The following EXOC4 variants were observed in gnomAD, a reference collection of about 807,000 sequenced individuals.
EXOC4 encodes SEC8-like 1.
A neutral mutation model predicts 107.2 loss-of-function variants in EXOC4; 71 were observed. That is an observed-to-expected ratio of 0.66 (90% CI 0.55 to 0.81). EXOC4 has a LOEUF of 0.81. EXOC4 is among the 30% of genes least tolerant of loss of function. EXOC4 has a pLI of 0.00. For missense variants in EXOC4, 1,108 were observed against 1,189.6 expected, an observed-to-expected ratio of 0.93 and a Z score of 1.01; for synonymous variants, 456 against 441.2, an observed-to-expected ratio of 1.03 and a Z score of -0.42.
At chr7:133,779,648 C>G (rs1796418689) in intron 10 of EXOC4, among the ~76,000 whole-genome samples, 1 of 152,112 alleles carries the variant, frequency 6.6e-6, no homozygotes, top group African/African-American at 2.4e-5. Flanking sequence ...AATCGGTGCT[C>G]TGTGGCTATC....
At chr7:133,639,409 T>C (rs552284216) in intron 10 of EXOC4, among the ~76,000 whole-genome samples, 10 of 152,282 alleles carry the variant, frequency 6.6e-5, no homozygotes, top group Admixed American at 3.3e-4. Flanking sequence ...ACTGTGTTTT[T>C]AAAAAATGTG....
chr7:133,537,668 G>C (rs551596645), intron 9 of EXOC4, among the ~76,000 whole-genome samples: 9 of 152,282 alleles, frequency 5.9e-5, no homozygotes, highest in Admixed American at 2.6e-4. Flanking sequence ...AAATCTAGCA[G>C]AATGCCATAT....
chr7:133,508,573 A>G (rs142198816), intron 9 of EXOC4, among the ~76,000 whole-genome samples: 69 of 152,330 alleles, frequency 4.5e-4, no homozygotes, highest in African/African-American at 1.6e-3. Context: ...CATGCGCTGT[A>G]AGAGATCATC....
chr7:133,816,925 C>G (rs10246250), intron 10 of EXOC4, among the ~76,000 whole-genome samples: 3 of 151,950 alleles, frequency 2.0e-5, no homozygotes, highest in Admixed American at 2.0e-4. Context: ...GTTCATCGCC[C>G]GGTGTGGGGG....
intron 14 of EXOC4, among the ~76,000 whole-genome samples, chr7:133,982,409 A>G (rs1036951265): frequency 6.6e-6 from 1 of 152,082 alleles, no homozygotes; most frequent in African/African-American, 2.4e-5. Context: ...AAAATTAGCC[A>G]GGCGTGGTGG....
rs141983165 is a variant in EXOC4, at chr7:133,494,453, T to G, written c.1417+14315T>G. Among the ~76,000 whole-genome samples, 837 of 152,354 alleles carry G rather than the reference T, an allele frequency of 5.5e-3. 4 individuals are homozygous for G. Among genetic ancestry groups the G allele is most frequent in the African/African-American group, 0.019 (797 of 41,584 alleles). ...AGCATGTCTGCTGAAAGAGGACTGA[T>G]AAAAGCAAGGCAATTGATGGGATGA... On this transcript the variant is annotated intron_variant, in intron 9 of 17. Transcript: ENST00000253861.
Position 133,565,093 on chromosome 7 carries a change from C to T in EXOC4, c.1418-64952C>T, listed in dbSNP as rs139909264. Among the ~76,000 whole-genome samples the T allele has an allele frequency of 1.7e-3, 262 of 152,298 alleles. 1 individual carries two copies. The highest frequency in any genetic ancestry group is 5.9e-3 in the African/African-American group (245 of 41,572). Reference sequence around the variant, plus strand: ...TCCCAATTAGTGACCTTGGTAAATACTTCTCCCATTTTCAGAACCATGGCA... The same window carrying T: ...TCCCAATTAGTGACCTTGGTAAATATTTCTCCCATTTTCAGAACCATGGCA... On this transcript the variant is annotated intron_variant, in intron 9 of 17. Transcript: ENST00000253861.
intron 9 of EXOC4, among the ~76,000 whole-genome samples, chr7:133,582,101 A>G (rs1801291800): frequency 6.6e-6 from 1 of 152,170 alleles, no homozygotes; most frequent in Non-Finnish European, 1.5e-5. Context: ...GTGGGGACAC[A>G]GAGTCAAACC....
chr7:133,290,669 C>T (rs73724533), intron 3 of EXOC4, among the ~76,000 whole-genome samples: 6,506 of 152,116 alleles, frequency 0.043, 334 homozygotes, highest in African/African-American at 0.12. Context: ...TTTTGTGTTA[C>T]GGTCTTTGTT....
At chr7:133,367,790 A>G (rs145025480) in intron 6 of EXOC4, among the ~76,000 whole-genome samples, 130 of 152,320 alleles carry the variant, frequency 8.5e-4, no homozygotes, top group African/African-American at 3.0e-3. Context: ...CAAGTAAAGT[A>G]CTTAACACAG....
At chr7:133,798,583 G>A (rs1403632340) in intron 10 of EXOC4, among the ~76,000 whole-genome samples, 1 of 152,154 alleles carries the variant, frequency 6.6e-6, no homozygotes, top group African/African-American at 2.4e-5. Context: ...AACCCTGCAA[G>A]GCAGATATTA....
chr7:133,318,441 G>A (rs1321168478), intron 5 of EXOC4, among the ~76,000 whole-genome samples: 1 of 152,194 alleles, frequency 6.6e-6, no homozygotes, highest in South Asian at 2.1e-4. Flanking sequence ...TGGGGAAGAA[G>A]ACTCGATGTC....
intron 10 of EXOC4, among the ~76,000 whole-genome samples, chr7:133,704,796 T>A (rs772083583): frequency 2.2e-4 from 34 of 152,332 alleles, no homozygotes; most frequent in Non-Finnish European, 4.6e-4. Context: ...GAACTGTGAC[T>A]TGTCATGTGA....
At chr7:133,317,486 G>A (rs1795017456) in intron 5 of EXOC4, 96 bp downstream of exon 5, 6 of 833,870 alleles carry the variant, frequency 7.2e-6, no homozygotes. Context: ...GCTAGGTTGG[G>A]CTGGGCTAGG....
chr7:133,681,695 A>G (rs1364303880), intron 10 of EXOC4, among the ~76,000 whole-genome samples: 1 of 151,966 alleles, frequency 6.6e-6, no homozygotes, highest in Non-Finnish European at 1.5e-5. Flanking sequence ...GGGTGGGCAC[A>G]CAGCCAAACC....
intron 3 of EXOC4, among the ~76,000 whole-genome samples, chr7:133,290,349 G>A (rs770362058): frequency 1.3e-5 from 2 of 152,096 alleles, no homozygotes; most frequent in East Asian, 3.9e-4. Context: ...AATGACAAAA[G>A]AATTGGTTAT....
At chr7:134,052,341 G>A (rs1407438056) in intron 17 of EXOC4, among the ~76,000 whole-genome samples, 1 of 152,094 alleles carries the variant, frequency 6.6e-6, no homozygotes, top group African/African-American at 2.4e-5. Flanking sequence ...CTGGATACAA[G>A]AGTTAAAAAT....
intron 9 of EXOC4, among the ~76,000 whole-genome samples, chr7:133,579,499 A>G (rs1801202835): frequency 6.6e-6 from 1 of 152,130 alleles, no homozygotes; most frequent in Non-Finnish European, 1.5e-5. Flanking sequence ...TTAGACTTAA[A>G]AAAATTTTTA....
chr7:133,878,570 G>A (rs2116433127), intron 11 of EXOC4, among the ~76,000 whole-genome samples: 1 of 152,312 alleles, frequency 6.6e-6, no homozygotes, highest in South Asian at 2.1e-4. Context: ...ATTAGGCCAA[G>A]CTCGACCCCT....
Sources: allele counts gnomAD v4.1 joint callset (sites outside exome capture counted in the v4.1 genomes callset), GRCh38; gene constraint gnomAD v4.1.1; transcripts MANE v1.5; gene names NCBI Gene and HGNC (gene_info 2026-07-23, HGNC 2026-07-21).